Variants in SS18 observed in about 807,000 individuals in gnomAD.
SS18 encodes the protein SS18 subunit of BAF chromatin remodeling complex, also known as protein SSXT.
A neutral mutation model predicts 72.5 loss-of-function variants in SS18; 28 were observed. The ratio of observed to expected loss-of-function variants is 0.39; its 90% confidence interval spans 0.29 to 0.53. The LOEUF (loss-of-function observed/expected upper bound fraction) is 0.53, where lower values mean the gene tolerates loss of function less well. Ranked by LOEUF, SS18 falls within the 20% of genes least tolerant of loss-of-function variation. SS18 has a pLI of 0.76. For missense variants in SS18, 518 were observed against 535.3 expected (o/e 0.97, Z 0.32); for synonymous variants, 172 against 164.2 (o/e 1.05, Z -0.37).
chr18:26,056,731 T>C (rs1389632891), intron 4 of SS18, among the ~76,000 whole-genome samples: 1 of 152,254 alleles, frequency 6.6e-6, no homozygotes, highest in East Asian at 1.9e-4. Flanking sequence ...TTACTGCTAG[T>C]TGTATAATGT....
Position 26,035,158 on chromosome 18 carries a change from A to C in SS18, c.974-31T>G. On this transcript the variant is annotated intron_variant, in intron 8 of 10. Transcript: ENST00000415083. The surrounding 1 kb of genome is among the most constrained non-coding windows in gnomAD (Gnocchi z 4.4). Reference sequence around the variant, plus strand: ...GGATAATTGGAGAAGAGGAAAAAAAACTGAGAAGTCTGCTTAAGTAACTTT... The same window carrying C: ...GGATAATTGGAGAAGAGGAAAAAAACCTGAGAAGTCTGCTTAAGTAACTTT... 6.2e-7 allele frequency: 1 copy of C among 1,608,380 alleles called. No homozygotes were observed. The highest frequency in any genetic ancestry group is 8.5e-7 in the Non-Finnish European group (1 of 1,176,724).
intron 10 of SS18, among the ~76,000 whole-genome samples, chr18:26,027,267 T>C (rs919868963): frequency 6.6e-6 from 1 of 152,078 alleles, no homozygotes; most frequent in South Asian, 2.1e-4. Flanking sequence ...CATAAACAGA[T>C]CAATGGAACA....
intron 10 of SS18, among the ~76,000 whole-genome samples, chr18:26,024,807 T>C (rs2053417728): frequency 1.3e-5 from 2 of 152,086 alleles, no homozygotes; most frequent in Non-Finnish European, 2.9e-5. Flanking sequence ...ATGATATACT[T>C]AATCATATCC....
At chr18:26,040,042 A>G (rs1039050016) in intron 5 of SS18, among the ~76,000 whole-genome samples, 1 of 152,228 alleles carries the variant, frequency 6.6e-6, no homozygotes. Flanking sequence ...TTTCCCAACT[A>G]CAAGATTTAT....
intron 3 of SS18, among the ~76,000 whole-genome samples, chr18:26,061,895 A>G (rs2054130338): frequency 6.6e-6 from 1 of 152,072 alleles, no homozygotes; most frequent in Non-Finnish European, 1.5e-5. Context: ...ATTAACATTT[A>G]AAATAACAGT....
At chr18:26,026,058 A>C (rs984083867) in intron 10 of SS18, among the ~76,000 whole-genome samples, 1 of 152,202 alleles carries the variant, frequency 6.6e-6, no homozygotes. Flanking sequence ...AATTTCTACT[A>C]AATACACATC....
At chr18:26,023,145 A>G (rs1567985901) in intron 10 of SS18, among the ~76,000 whole-genome samples, 1 of 152,226 alleles carries the variant, frequency 6.6e-6, no homozygotes, top group African/African-American at 2.4e-5. Flanking sequence ...CTGGAATCCA[A>G]TCAAAGATTA....
intron 10 of SS18, among the ~76,000 whole-genome samples, chr18:26,019,631 T>C (rs965946896): frequency 6.6e-6 from 1 of 151,768 alleles, no homozygotes; most frequent in Admixed American, 6.6e-5. Flanking sequence ...ACTAACATGG[T>C]GAAACCCCGT....
At chr18:26,039,524 G>A in intron 5 of SS18, 68 bp from the exon 6 acceptor site, 2 of 1,416,138 alleles carry the variant, frequency 1.4e-6, no homozygotes, top group South Asian at 1.6e-5. Flanking sequence ...AGAGAAATAA[G>A]ATAATCTTTT....
intron 2 of SS18, chr18:26,080,496 A>G (rs1382412189): frequency 2.4e-5 from 9 of 371,266 alleles, no homozygotes; most frequent in Non-Finnish European, 3.3e-5. Flanking sequence ...ATTACATCTA[A>G]TCTGCCACAC....
chr18:26,071,297 A>G (rs971347311), intron 3 of SS18, among the ~76,000 whole-genome samples: 1 of 152,232 alleles, frequency 6.6e-6, no homozygotes, highest in South Asian at 2.1e-4. Flanking sequence ...CTACAGTGTG[A>G]GAAAAAATAA....
At chr18:26,065,626 G>T (rs1419763520) in intron 3 of SS18, among the ~76,000 whole-genome samples, 1 of 150,662 alleles carries the variant, frequency 6.6e-6, no homozygotes, top group African/African-American at 2.4e-5. Flanking sequence ...TCTTTAACAG[G>T]ATACAGAATT....
intron 9 of SS18, among the ~76,000 whole-genome samples, chr18:26,034,384 C>T (rs936831759): frequency 1.2e-4 from 18 of 152,068 alleles, no homozygotes; most frequent in African/African-American, 4.1e-4. Context: ...CGTCATTCCC[C>T]ACTCCCTATC....
At chr18:26,042,042 C>T (rs1189897952) in intron 5 of SS18, among the ~76,000 whole-genome samples, 2 of 151,682 alleles carry the variant, frequency 1.3e-5, no homozygotes, top group African/African-American at 4.9e-5. Flanking sequence ...GAAGCCTTAT[C>T]CATTAAAGAA....
At chr18:26,047,651 C>T (rs973221915) in intron 5 of SS18, among the ~76,000 whole-genome samples, 3 of 152,118 alleles carry the variant, frequency 2.0e-5, no homozygotes. Context: ...ACCATCCTGG[C>T]TAACACGGTG....
intron 1 of SS18, among the ~76,000 whole-genome samples, chr18:26,088,067 C>CA (rs981418542): frequency 2.6e-5 from 4 of 151,932 alleles, no homozygotes; most frequent in African/African-American, 9.7e-5. Flanking sequence ...CAGCTCACCG[C>CA]AAAAAAATCT....
intron 10 of SS18, among the ~76,000 whole-genome samples, chr18:26,027,037 C>T (rs1385987123): frequency 6.6e-6 from 1 of 152,108 alleles, no homozygotes; most frequent in Non-Finnish European, 1.5e-5. Context: ...TCTATAAATT[C>T]ATGGCAATTA....
At chr18:26,021,133 T>G (rs556305714) in intron 10 of SS18, among the ~76,000 whole-genome samples, 61 of 152,264 alleles carry the variant, frequency 4.0e-4, no homozygotes, top group African/African-American at 1.4e-3. Context: ...AAAGGTAGGC[T>G]GTGTATCTGC....
chr18:26,057,752 GAC>G lies in SS18; in HGVS notation c.232-12_232-11del. ...TATTCTGTGTGGGTGGCTGAAAGAA[GAC>G]AGTTTAGTAAAACAAGAGAAACAGA... is the stretch of plus-strand genomic sequence containing the variant. On this transcript the variant is annotated splice_polypyrimidine_tract_variant and intron_variant, in intron 3 of 10. Transcript: ENST00000415083. The G allele has an allele frequency of 6.3e-7, 1 of 1,592,140 alleles. No homozygotes were observed. The highest frequency in any genetic ancestry group is 2.3e-5 in the East Asian group (1 of 44,224).
Sources: allele counts gnomAD v4.1 joint callset (sites outside exome capture counted in the v4.1 genomes callset), GRCh38; gene constraint gnomAD v4.1.1; non-coding constraint Gnocchi (gnomAD v3.1); transcripts MANE v1.5; gene names NCBI Gene and HGNC (gene_info 2026-07-23, HGNC 2026-07-21).